MAP3K15: variants seen among roughly 807,000 people sequenced by gnomAD.
MAP3K15 encodes mitogen-activated protein kinase kinase kinase 15, also known as MAPK/ERK kinase kinase 15.
MAP3K15 carries 124 observed loss-of-function variants against 99.5 expected under a neutral mutation model. The ratio of observed to expected loss-of-function variants is 1.25; its 90% CI spans 1.08 to 1.45. MAP3K15 has a LOEUF of 1.45. MAP3K15 is among the 40% of genes most tolerant of loss of function. MAP3K15 has a pLI of 0.00. For synonymous variants in MAP3K15, 494 were observed against 439.6 expected (o/e 1.12, Z -1.55); for missense variants, 1,242 against 1,079.7 (o/e 1.15, Z -2.11).
rs752140028 is a variant in MAP3K15, at chrX:19,415,124, T to C, written c.1573A>G (p.Asn525Asp). ...TATCTTACTGGAAATCTGAGTCCAT[T>C]AGTGACTTCATTTGTTGCCTCAAAA... ...IIFEATNEVT[N>D]GLRFPVLVIE... The change falls in exon 10 of 29, where the codon AAT becomes GAT. Residue 525 changes from asparagine (N) to aspartate (D), a missense_variant. Asn to Asp is a conservative substitution (Grantham distance 23). Coordinates refer to ENST00000338883, the MANE Select transcript of MAP3K15 (RefSeq NM_001001671.4). The C allele has an allele frequency of 8.6e-6, 10 of 1,166,516 alleles. No individual in the cohort carries two copies. The highest frequency in any genetic ancestry group is 1.9e-5 in the South Asian group (1 of 51,418).
chrX:19,446,506 G>A (rs1046819459), intron 6 of MAP3K15, among the ~76,000 whole-genome samples: 36 of 111,841 alleles, frequency 3.2e-4, no homozygotes, highest in African/African-American at 1.1e-3. Flanking sequence ...TGGTGGAGTC[G>A]TAACCTGGCT....
intron 18 of MAP3K15, among the ~76,000 whole-genome samples, chrX:19,380,560 C>G (rs1274600480): frequency 9.0e-6 from 1 of 111,121 alleles, no homozygotes; most frequent in Non-Finnish European, 1.9e-5. Context: ...GAGTCTTGCT[C>G]TGTCGCCCAG....
intron 1 of MAP3K15, among the ~76,000 whole-genome samples, chrX:19,508,609 G>T (rs1336024934): frequency 2.7e-5 from 3 of 112,224 alleles, no homozygotes; most frequent in African/African-American, 6.5e-5. Flanking sequence ...AGGACCGGGG[G>T]TGGTGGTTCA....
chrX:19,514,151 C>A (rs2064539727), intron 1 of MAP3K15, among the ~76,000 whole-genome samples: 1 of 110,799 alleles, frequency 9.0e-6, no homozygotes, highest in African/African-American at 3.3e-5. Flanking sequence ...CCACTCCTGG[C>A]TGCAAAATGG....
intron 18 of MAP3K15, among the ~76,000 whole-genome samples, chrX:19,385,287 G>A (rs1009761048): frequency 9.0e-5 from 10 of 111,277 alleles, no homozygotes; most frequent in African/African-American, 3.3e-4. Flanking sequence ...AGCTAGTGGG[G>A]GGCTTCAGTT....
At chrX:19,495,305 C>G (rs1295531780) in intron 1 of MAP3K15, among the ~76,000 whole-genome samples, 1 of 112,200 alleles carries the variant, frequency 8.9e-6, no homozygotes, top group Admixed American at 9.5e-5. Flanking sequence ...AGCCACCGCA[C>G]CCAGCTTGAA....
intron 19 of MAP3K15, chrX:19,376,725 G>C (rs1009400736): frequency 3.6e-5 from 4 of 110,702 alleles, no homozygotes; most frequent in Non-Finnish European, 7.6e-5. Context: ...GATTATAGGG[G>C]TGAGCCAATG....
At chrX:19,398,174 A>T in intron 15 of MAP3K15, 52 bp downstream of exon 15, 1 of 1,198,186 alleles carries the variant, frequency 8.3e-7, no homozygotes, top group Non-Finnish European at 1.1e-6. Context: ...TGGGTATGGG[A>T]TCTGGGGTGT....
At chrX:19,471,601 A>C (rs1569236010) in intron 3 of MAP3K15, among the ~76,000 whole-genome samples, 1 of 111,341 alleles carries the variant, frequency 9.0e-6, no homozygotes, top group Non-Finnish European at 1.9e-5. Flanking sequence ...TACATATCCA[A>C]GAAGCCAAAT....
intron 25 of MAP3K15, among the ~76,000 whole-genome samples, chrX:19,368,843 T>TG (rs895952414): frequency 4.1e-5 from 4 of 96,406 alleles, no homozygotes; most frequent in African/African-American, 1.8e-4. Context: ...GATTCTGAGT[T>TG]TTTTTTTTTT....
chrX:19,467,876 C>A (rs1364703923), intron 3 of MAP3K15, among the ~76,000 whole-genome samples: 1 of 111,001 alleles, frequency 9.0e-6, no homozygotes, highest in African/African-American at 3.3e-5. Context: ...GCCAAGAATG[C>A]TGAAACTTGA....
At chrX:19,511,744 G>A (rs1015308554) in intron 1 of MAP3K15, among the ~76,000 whole-genome samples, 3 of 111,937 alleles carry the variant, frequency 2.7e-5, no homozygotes, top group Non-Finnish European at 5.6e-5. Flanking sequence ...TTCAACCATT[G>A]TGAAAGACAG....
At chrX:19,489,073 T>C in intron 1 of MAP3K15, 106 bp from the exon 2 acceptor site, 1 of 745,724 alleles carries the variant, frequency 1.3e-6, no homozygotes, top group Non-Finnish European at 1.9e-6. Flanking sequence ...ATTTCTGTCA[T>C]CAGCCTGTTA....
chrX:19,365,850 T>C (rs1371190817), intron 25 of MAP3K15, among the ~76,000 whole-genome samples: 1 of 108,375 alleles, frequency 9.2e-6, no homozygotes, highest in Admixed American at 9.9e-5. Context: ...CTACTAAAAA[T>C]ACAAAAATTA....
intron 13 of MAP3K15, among the ~76,000 whole-genome samples, chrX:19,405,547 C>T (rs1602277647): frequency 8.9e-6 from 1 of 112,184 alleles, no homozygotes; most frequent in Non-Finnish European, 1.9e-5. Flanking sequence ...TGGATTGGAA[C>T]GTGGACCAGA....
chrX:19,438,919 C>T (rs983949654), intron 6 of MAP3K15, among the ~76,000 whole-genome samples: 1 of 112,108 alleles, frequency 8.9e-6, no homozygotes, highest in African/African-American at 3.2e-5. Context: ...ACACTGAGTC[C>T]GGGCACAGTG....
chrX:19,469,765 G>A (rs776505302), intron 3 of MAP3K15, among the ~76,000 whole-genome samples: 6 of 111,400 alleles, frequency 5.4e-5, no homozygotes, highest in Non-Finnish European at 9.4e-5. Context: ...CTTCTCAAAA[G>A]AAGACATTTA....
At chrX:19,457,638 A>G (rs1011056047) in intron 5 of MAP3K15, among the ~76,000 whole-genome samples, 4 of 112,218 alleles carry the variant, frequency 3.6e-5, no homozygotes, top group Non-Finnish European at 5.6e-5. Context: ...AAAATAAAAA[A>G]ACAGTATCAG....
At chrX:19,370,279 A>G (rs1193491936) in intron 24 of MAP3K15, among the ~76,000 whole-genome samples, 1 of 112,589 alleles carries the variant, frequency 8.9e-6, no homozygotes, top group Admixed American at 9.4e-5. Context: ...AATCTGAGCC[A>G]CTGTATTGTC....
Sources: allele counts gnomAD v4.1 joint callset (sites outside exome capture counted in the v4.1 genomes callset), GRCh38; gene constraint gnomAD v4.1.1; transcripts MANE v1.5; gene names NCBI Gene and HGNC (gene_info 2026-07-23, HGNC 2026-07-21).